DNAH14: variants seen among roughly 807,000 people sequenced by gnomAD.
The protein encoded by DNAH14 is axonemal beta dynein heavy chain 14.
A neutral mutation model predicts 520.9 loss-of-function variants in DNAH14; 478 were observed. The observed-to-expected ratio is 0.92, with a 90% CI of 0.85 to 0.99. DNAH14 has a LOEUF of 0.99. DNAH14 is among the 50% of genes least tolerant of loss of function. The probability of loss-of-function intolerance (pLI) is 0.00; values close to 1 mark genes in which losing one functional copy is unlikely to be tolerated. For missense variants in DNAH14, 4,831 were observed against 5,234.5 expected (o/e 0.92, Z 2.38); for synonymous variants, 1,581 against 1,757.2 (o/e 0.90, Z 2.51).
Position 225,117,817 on chromosome 1 carries a change from A to C in DNAH14, c.3972+29A>C, listed in dbSNP as rs1317219482. The C allele has an allele frequency of 2.0e-6, 3 of 1,526,824 alleles. No homozygotes were observed. In the African/African-American group the frequency reaches 4.1e-5, roughly 21 times the overall value. 94.6% of individuals were successfully genotyped at this position (1,526,824 alleles called of 1,614,324 possible). ...ATAACATCTTTCTCTGCTCAGCAAT[A>C]TTATATTAGCGATATTCAGATCACA... is the stretch of plus-strand genomic sequence containing the variant. On this transcript the variant is annotated intron_variant, in intron 24 of 85. Transcript: ENST00000682510.
At chr1:225,280,057 G>A (rs2093591659) in intron 54 of DNAH14, among the ~76,000 whole-genome samples, 2 of 151,818 alleles carry the variant, frequency 1.3e-5, no homozygotes, top group South Asian at 2.1e-4. Context: ...AACTTCACTA[G>A]AGGAGCTCAA....
At chr1:225,020,350 A>G (rs943731328) in intron 10 of DNAH14, among the ~76,000 whole-genome samples, 6 of 151,906 alleles carry the variant, frequency 3.9e-5, no homozygotes, top group Admixed American at 3.9e-4. Context: ...TACAAAAATT[A>G]GCCAGGTGTG....
At chr1:225,061,265 G>A (rs1024995089) in intron 17 of DNAH14, among the ~76,000 whole-genome samples, 1 of 152,244 alleles carries the variant, frequency 6.6e-6, no homozygotes. Context: ...GTCTCAGACT[G>A]CTGTGCTAGC....
chr1:225,035,509 GT>G (rs60032862), intron 11 of DNAH14, among the ~76,000 whole-genome samples: 6 of 146,300 alleles, frequency 4.1e-5, no homozygotes, highest in Admixed American at 2.7e-4. Context: ...GTTTTTTTTT[GT>G]TTTTTTTTGA....
chr1:225,046,570 C>T (rs2148263891), intron 15 of DNAH14, among the ~76,000 whole-genome samples: 1 of 152,158 alleles, frequency 6.6e-6, no homozygotes, highest in African/African-American at 2.4e-5. Flanking sequence ...ATTCCTTATC[C>T]CCACTGATTT....
chr1:225,352,768 C>T (rs1324482595), intron 72 of DNAH14, among the ~76,000 whole-genome samples: 2 of 151,748 alleles, frequency 1.3e-5, no homozygotes, highest in Non-Finnish European at 2.9e-5. Flanking sequence ...TTTTATAGTA[C>T]CTATGCTATA....
intron 1 of DNAH14, among the ~76,000 whole-genome samples, chr1:224,932,584 T>A (rs1459158160): frequency 6.6e-6 from 1 of 152,158 alleles, no homozygotes; most frequent in Non-Finnish European, 1.5e-5. Flanking sequence ...AAGTCTTTAA[T>A]CCATTTTGAG....
chr1:224,939,656 C>T (rs745367581), intron 1 of DNAH14, among the ~76,000 whole-genome samples: 1 of 152,024 alleles, frequency 6.6e-6, no homozygotes, highest in Non-Finnish European at 1.5e-5. Flanking sequence ...TGCCCTCCAG[C>T]CTGGGCAACA....
At chr1:225,258,703 C>T (rs987373240) in intron 45 of DNAH14, among the ~76,000 whole-genome samples, 9 of 152,090 alleles carry the variant, frequency 5.9e-5, no homozygotes, top group Admixed American at 5.9e-4. Context: ...TAAGAAAATA[C>T]TTATCTTTAC....
chr1:225,141,026 G>A lies in DNAH14; in HGVS notation c.4508+5G>A. 6.5e-7 allele frequency: 1 copy of A among 1,534,062 alleles called. No homozygotes were observed. The highest frequency in any genetic ancestry group is 8.8e-7 in the Non-Finnish European group (1 of 1,136,558). ...AGAGGATTTTGAGTGGACAAGGTAG[G>A]TGGATCTAAATTATAACTACATACA... On this transcript the variant is annotated splice_donor_5th_base_variant and intron_variant, in intron 28 of 85. Coordinates refer to ENST00000682510, the MANE Select transcript of DNAH14 (RefSeq NM_001367479.1).
chr1:225,335,379 ATATG>A lies in DNAH14; in HGVS notation c.10080+1874_10080+1877del, dbSNP rs1247819962. On this transcript the variant is annotated intron_variant, in intron 66 of 85. Coordinates refer to ENST00000682510, the MANE Select transcript of DNAH14 (RefSeq NM_001367479.1). ...CATATACACGTGTACATGTGTGTGT[ATATG>A]CACATATACACATGTGTACATGTGT... Among the ~76,000 whole-genome samples the A allele has an allele frequency of 9.0e-5, 4 of 44,504 alleles. 1 individual carries two copies. The highest frequency in any genetic ancestry group is 1.6e-4 in the Non-Finnish European group (4 of 24,498). The allele number at this position is 44,504 out of a possible 152,430, so 29.2% of individuals were successfully genotyped here.
intron 27 of DNAH14, among the ~76,000 whole-genome samples, chr1:225,137,465 C>T (rs1429429904): frequency 2.6e-5 from 4 of 152,174 alleles, no homozygotes; most frequent in African/African-American, 9.7e-5. Context: ...TAGTCATTCT[C>T]CTGCCTCAGC....
chr1:225,333,225 T>G, intron 65 of DNAH14, 66 bp from the exon 66 acceptor site: 1 of 1,304,482 alleles, frequency 7.7e-7, no homozygotes. Flanking sequence ...TGGAAATCAT[T>G]AATTTTAAAA....
rs1048567817 is a variant in DNAH14 at position 225,395,571 on chromosome 1, GAC to G, written c.13492-2947_13492-2946del. On this transcript the variant is annotated intron_variant, in intron 84 of 85. Coordinates refer to ENST00000682510, the MANE Select transcript of DNAH14 (RefSeq NM_001367479.1). Reference sequence around the variant, plus strand: ...CGCGCCACTGCGCTCCAGCCTGCGCGACAGAGTGAGACTCCCGTCTCAAAAAA... The same window carrying G: ...CGCGCCACTGCGCTCCAGCCTGCGCGAGAGTGAGACTCCCGTCTCAAAAAA... Among the ~76,000 whole-genome samples, 38 of 140,872 alleles carry G rather than the reference GAC, an allele frequency of 2.7e-4. 1 individual carries two copies. The highest frequency in any genetic ancestry group is 9.2e-4 in the African/African-American group (36 of 38,978). 92.4% of individuals were successfully genotyped at this position (140,872 alleles called of 152,430 possible).
intron 8 of DNAH14, among the ~76,000 whole-genome samples, chr1:224,975,981 G>A (rs1369300260): frequency 6.6e-6 from 1 of 151,580 alleles, no homozygotes; most frequent in African/African-American, 2.4e-5. Flanking sequence ...ATTTCGTTAT[G>A]TACCCAGTAG....
rs1388308284 is a variant in DNAH14 at position 224,968,861 on chromosome 1, T to C, written c.754T>C (p.Phe252Leu). 1.9e-6 allele frequency: 3 copies of C among 1,539,986 alleles called. No individual in the cohort carries two copies. Among genetic ancestry groups the C allele is most frequent in the East Asian group, 2.5e-5 (1 of 40,316 alleles). The change falls in exon 7 of 86, where the codon TTT becomes CTT. Residue 252 changes from phenylalanine to leucine, a missense_variant. Phe to Leu is a conservative substitution (Grantham distance 22, BLOSUM62 0). Transcript: ENST00000682510. ...CTATTTATTACGGCAATTCAAGATA[T>C]TTTCTGATTTCCGGTGAGGTGAAAA... ...HYYLLRQFKI[F>L]SDFRMNKAFV...
At chr1:225,055,268 T>A (rs1199507683) in intron 17 of DNAH14, among the ~76,000 whole-genome samples, 1 of 152,134 alleles carries the variant, frequency 6.6e-6, no homozygotes, top group Non-Finnish European at 1.5e-5. Flanking sequence ...CTCCCCTTCT[T>A]CAAAAATGAG....
chr1:225,219,933 C>A (rs2089872380), intron 41 of DNAH14, among the ~76,000 whole-genome samples: 1 of 152,074 alleles, frequency 6.6e-6, no homozygotes, highest in Non-Finnish European at 1.5e-5. Context: ...ACTGAATCCA[C>A]CAGCACATCA....
chr1:225,079,617 C>A, intron 18 of DNAH14, 69 bp downstream of exon 18: 1 of 1,182,324 alleles, frequency 8.5e-7, no homozygotes, highest in Non-Finnish European at 1.2e-6. Flanking sequence ...TAAGTCCAGG[C>A]ATTTGGGTAT....
Sources: gnomAD v4.1 joint callset for allele counts (sites outside exome capture counted in the v4.1 genomes callset) on GRCh38, gnomAD v4.1.1 for gene constraint, MANE v1.5 for transcripts, NCBI Gene and HGNC (gene_info 2026-07-23, HGNC 2026-07-21) for gene names.